Variants in SPECC1 observed in about 807,000 individuals in gnomAD.
SPECC1 encodes cytospin-B.
SPECC1 carries 62 observed loss-of-function variants against 104.1 expected under a neutral mutation model. The observed-to-expected ratio is 0.60, with a 90% CI of 0.49 to 0.74. SPECC1 has a LOEUF of 0.74. SPECC1 is among the 30% of genes least tolerant of loss of function. The pLI, the probability that SPECC1 is intolerant of heterozygous loss-of-function variation, is 0.00. For synonymous variants in SPECC1, 513 were observed against 501.6 expected, an observed-to-expected ratio of 1.02 and a Z score of -0.30; for missense variants, 1,306 against 1,310.5, an observed-to-expected ratio of 1.00 and a Z score of 0.05.
chr17:20,155,293 A>G (rs2032363064), intron 3 of SPECC1: 1 of 152,166 alleles, frequency 6.6e-6, no homozygotes, highest in Non-Finnish European at 1.5e-5. Context: ...GTGTCCTACG[A>G]TGTTGATGCG....
rs900789216 is a variant in SPECC1 at position 20,112,955 on chromosome 17, C to T, written c.283+2393C>T. The T allele has an allele frequency of 7.1e-6, 9 of 1,275,244 alleles. No homozygotes were observed. In the African/African-American group the frequency reaches 8.8e-5, roughly 12 times the overall value. The allele number at this position is 1,275,244 out of a possible 1,614,324, so 79.0% of individuals were successfully genotyped here. A position where few individuals can be genotyped will look rare whatever the true frequency, so the allele number is the denominator to read the frequency against. The stretch of plus-strand genomic sequence containing the variant: ...GAAGGGAGCTAGATTTGAAGAGATG[C>T]TAACACCACTACACATGTCACAAAG... On this transcript the variant is annotated intron_variant, in intron 3 of 14. Coordinates refer to ENST00000395527, the MANE Select transcript of SPECC1 (RefSeq NM_001243439.2).
chr17:20,211,534 C>T lies in SPECC1; in HGVS notation c.1863+5622C>T, dbSNP rs578254093. Reference sequence around the variant, plus strand: ...TGCAGAGCCAGTTTAGCATTAGGAGCGGAATCTTCTAGAGATTAAACTACA... The same window carrying T: ...TGCAGAGCCAGTTTAGCATTAGGAGTGGAATCTTCTAGAGATTAAACTACA... On this transcript the variant is annotated intron_variant, in intron 4 of 14. Coordinates refer to ENST00000395527, the MANE Select transcript of SPECC1 (RefSeq NM_001243439.2). 1.8e-4 allele frequency among the ~76,000 whole-genome samples: 27 copies of T among 152,342 alleles called. 1 individual carries two copies. Among genetic ancestry groups the T allele is most frequent in the South Asian group, 4.1e-4 (2 of 4,824 alleles).
intron 1 of SPECC1, among the ~76,000 whole-genome samples, chr17:20,069,022 C>T (rs993538409): frequency 1.3e-5 from 2 of 152,092 alleles, no homozygotes; most frequent in African/African-American, 4.8e-5. Context: ...CATAGGTAAA[C>T]TCATGTCACA....
chr17:20,299,158 T>C (rs1400429438), intron 13 of SPECC1, among the ~76,000 whole-genome samples: 2 of 151,978 alleles, frequency 1.3e-5, no homozygotes, highest in East Asian at 3.9e-4. Context: ...TTCCCTCTTC[T>C]TCAGTGAGGT....
chr17:20,106,983 C>T (rs949413673), intron 2 of SPECC1, among the ~76,000 whole-genome samples: 2 of 150,786 alleles, frequency 1.3e-5, no homozygotes, highest in African/African-American at 4.9e-5. Flanking sequence ...ATGATGAAAC[C>T]CCGTCTCTAC....
At chr17:20,126,849 G>A (rs985327410) in intron 3 of SPECC1, among the ~76,000 whole-genome samples, 2 of 152,172 alleles carry the variant, frequency 1.3e-5, no homozygotes, top group African/African-American at 4.8e-5. Context: ...ATATTCCTTT[G>A]AGTTATTAGG....
At chr17:20,055,942 C>G (rs1316071471) in intron 1 of SPECC1, among the ~76,000 whole-genome samples, 1 of 152,212 alleles carries the variant, frequency 6.6e-6, no homozygotes. Context: ...CAGACCCACC[C>G]TCCTGGTGCA....
At chr17:20,251,180 A>T (rs1317484632) in intron 9 of SPECC1, among the ~76,000 whole-genome samples, 5 of 138,578 alleles carry the variant, frequency 3.6e-5, no homozygotes, top group Non-Finnish European at 7.6e-5. Context: ...GTCACCTGAG[A>T]TCATTGCCAT....
intron 3 of SPECC1, among the ~76,000 whole-genome samples, chr17:20,136,419 C>T (rs1372791141): frequency 2.6e-5 from 3 of 114,262 alleles, no homozygotes; most frequent in Non-Finnish European, 5.8e-5. Context: ...AGCTAGACTC[C>T]ATCTATTAAA....
intron 3 of SPECC1, among the ~76,000 whole-genome samples, chr17:20,161,135 C>T (rs1219192846): frequency 3.3e-5 from 5 of 152,104 alleles, no homozygotes; most frequent in Admixed American, 6.6e-5. Context: ...CGCTTGAGCC[C>T]GGGAGGCGGA....
chr17:20,078,801 G>T (rs1401474560), intron 1 of SPECC1, among the ~76,000 whole-genome samples: 1 of 152,106 alleles, frequency 6.6e-6, no homozygotes, highest in Non-Finnish European at 1.5e-5. Context: ...AAAAGCACTG[G>T]ATGTGTGATA....
intron 12 of SPECC1, among the ~76,000 whole-genome samples, chr17:20,296,595 T>C (rs1484474225): frequency 1.3e-5 from 2 of 152,246 alleles, no homozygotes; most frequent in African/African-American, 4.8e-5. Flanking sequence ...GCATTGAATC[T>C]ATAAATTACC....
intron 14 of SPECC1, among the ~76,000 whole-genome samples, chr17:20,307,041 A>G (rs1287564481): frequency 6.6e-6 from 1 of 152,212 alleles, no homozygotes; most frequent in Non-Finnish European, 1.5e-5. Context: ...CACTTCTAGA[A>G]ATGAAAAATT....
intron 4 of SPECC1, among the ~76,000 whole-genome samples, chr17:20,215,077 AGAG>A (rs1156287619): frequency 6.6e-6 from 1 of 152,286 alleles, no homozygotes; most frequent in East Asian, 1.9e-4. Context: ...ATGCAGCCAC[AGAG>A]GAGATCCGGG....
intron 3 of SPECC1, among the ~76,000 whole-genome samples, chr17:20,122,373 G>C (rs547071772): frequency 1.3e-5 from 2 of 152,178 alleles, no homozygotes; most frequent in Non-Finnish European, 2.9e-5. Flanking sequence ...CTGTGGTCTA[G>C]GAAAGAAGTG....
intron 3 of SPECC1, among the ~76,000 whole-genome samples, chr17:20,201,550 G>A (rs1469754128): frequency 1.3e-5 from 2 of 152,152 alleles, no homozygotes; most frequent in African/African-American, 4.8e-5. Context: ...ACAAATGCCA[G>A]TGTGATGATC....
rs185683796 is a variant in SPECC1, at chr17:20,303,981, G to A, written c.3058-2042G>A. Among the ~76,000 whole-genome samples, 45 of 148,488 alleles carry A rather than the reference G, an allele frequency of 3.0e-4. 1 individual carries two copies. Among genetic ancestry groups the A allele is most frequent in the South Asian group, 8.8e-4 (4 of 4,562 alleles). On this transcript the variant is annotated intron_variant, in intron 13 of 14. Transcript: ENST00000395527. The stretch of plus-strand genomic sequence containing the variant: ...AAAAAAATTAAGAAATTCTACTGAG[G>A]AACATAATGGCCAGGTGCCATAGCT...
In SPECC1 at chr17:20,318,506, T is replaced by C; in HGVS notation, c.*4441T>C. ...GGTGAGGAATCTCTGCCATGTTCTC[T>C]TCCCTGCTGCCCACAAACGTTACGG... On this transcript the variant is annotated 3_prime_UTR_variant, in exon 15 of 15. Transcript: ENST00000395527. 4.3e-6 allele frequency: 1 copy of C among 231,424 alleles called. No homozygotes were observed. The highest frequency in any genetic ancestry group is 8.6e-6 in the Non-Finnish European group (1 of 116,930). The allele number at this position is 231,424 out of a possible 1,614,324, so 14.3% of individuals were successfully genotyped here.
At chr17:20,311,378 TTTTTTGTTTTTG>T (rs532559442) in intron 14 of SPECC1, among the ~76,000 whole-genome samples, 13 of 151,816 alleles carry the variant, frequency 8.6e-5, no homozygotes, top group Non-Finnish European at 1.5e-4. Flanking sequence ...AGTACATTTT[TTTTTTGTTTTTG>T]TTTTTGTTTT....
Sources: gnomAD v4.1 joint callset for allele counts (sites outside exome capture counted in the v4.1 genomes callset) on GRCh38, gnomAD v4.1.1 for gene constraint, MANE v1.5 for transcripts, NCBI Gene and HGNC (gene_info 2026-07-23, HGNC 2026-07-21) for gene names.